The following SLC14A2 variants were observed in gnomAD, a reference collection of about 807,000 sequenced individuals.
The protein encoded by SLC14A2 is solute carrier family 14 member 2, also known as urea transporter 2.
In SLC14A2, 91 loss-of-function variants were observed where a neutral mutation model predicts 104.6. That is an observed-to-expected ratio of 0.87 (90% confidence interval 0.73 to 1.04). SLC14A2 has a LOEUF of 1.04. SLC14A2 is among the 50% of genes least tolerant of loss of function. SLC14A2 has a pLI of 0.00. For missense variants in SLC14A2, 1,189 were observed against 1,156.0 expected (o/e 1.03, Z -0.41); for synonymous variants, 476 against 466.4 (o/e 1.02, Z -0.27).
chr18:45,575,875 G>A (rs1218523223), intron 2 of SLC14A2, among the ~76,000 whole-genome samples: 1 of 149,122 alleles, frequency 6.7e-6, no homozygotes, highest in African/African-American at 2.5e-5. Context: ...AAATATTTCT[G>A]AGTAGTTCTC....
intron 2 of SLC14A2, chr18:45,550,093 G>C (rs1054979245): frequency 2.0e-5 from 3 of 152,036 alleles, no homozygotes; most frequent in African/African-American, 7.3e-5. Context: ...TAAATCAAAG[G>C]AAGTCCTTCT....
intron 1 of SLC14A2, among the ~76,000 whole-genome samples, chr18:45,455,149 A>C (rs1008002588): frequency 6.6e-6 from 1 of 152,204 alleles, no homozygotes; most frequent in East Asian, 1.9e-4. Flanking sequence ...AACTGGGTAT[A>C]TACCCAAAGG....
At chr18:45,223,130 G>A (rs1283793413) in intron 1 of SLC14A2, among the ~76,000 whole-genome samples, 1 of 152,154 alleles carries the variant, frequency 6.6e-6, no homozygotes, top group African/African-American at 2.4e-5. Context: ...CTATAAGATG[G>A]AATCTGTATT....
intron 1 of SLC14A2, among the ~76,000 whole-genome samples, chr18:45,370,907 A>C (rs2085716038): frequency 6.6e-6 from 1 of 152,172 alleles, no homozygotes; most frequent in Non-Finnish European, 1.5e-5. Flanking sequence ...GTCTCTTTGC[A>C]TTGTCAGCCC....
At chr18:45,415,061 G>A (rs1375272367) in intron 1 of SLC14A2, among the ~76,000 whole-genome samples, 1 of 151,942 alleles carries the variant, frequency 6.6e-6, no homozygotes, top group Non-Finnish European at 1.5e-5. Flanking sequence ...TAGACATGCT[G>A]GAAAATTTAA....
At chr18:45,530,084 A>G (rs976905740) in intron 2 of SLC14A2, among the ~76,000 whole-genome samples, 1 of 152,152 alleles carries the variant, frequency 6.6e-6, no homozygotes, top group East Asian at 1.9e-4. Context: ...TATACAAGTG[A>G]ATTTCCTAGA....
intron 1 of SLC14A2, among the ~76,000 whole-genome samples, chr18:45,373,817 A>C (rs973283337): frequency 3.9e-5 from 6 of 152,176 alleles, no homozygotes; most frequent in Non-Finnish European, 7.3e-5. Flanking sequence ...GGTTCTCCTA[A>C]TAGGTAGGTG....
chr18:45,333,773 A>C (rs1052619505), intron 1 of SLC14A2, among the ~76,000 whole-genome samples: 19 of 152,216 alleles, frequency 1.2e-4, no homozygotes, highest in Non-Finnish European at 2.4e-4. Context: ...TATTTTGGGC[A>C]AGAGGATCTT....
At chr18:45,675,968 G>C (rs1325822095) in intron 18 of SLC14A2, among the ~76,000 whole-genome samples, 2 of 151,762 alleles carry the variant, frequency 1.3e-5, no homozygotes, top group East Asian at 3.9e-4. Flanking sequence ...AGCCCCACTG[G>C]AATTAAATGT....
In SLC14A2 at chr18:45,536,902, G is replaced by A. The variant is rs116859790; in HGVS notation, c.-35+53580G>A. On this transcript the variant is annotated intron_variant, in intron 2 of 20. Coordinates refer to the SLC14A2 transcript ENST00000586448. The stretch of plus-strand genomic sequence containing the variant: ...CTGTCCTGAATGCTGGGTGTCCTGG[G>A]TGGGCATCCTTGCAGGCCTTCAAGG... Among the ~76,000 whole-genome samples, 777 of 152,236 alleles carry A rather than the reference G, an allele frequency of 5.1e-3. 4 individuals are homozygous for A. Among genetic ancestry groups the A allele is most frequent in the Non-Finnish European group, 7.5e-3 (509 of 68,004 alleles).
intron 1 of SLC14A2, among the ~76,000 whole-genome samples, chr18:45,269,450 C>T (rs1032238608): frequency 2.6e-5 from 4 of 151,962 alleles, no homozygotes; most frequent in African/African-American, 7.3e-5. Context: ...CAGCCCCCAG[C>T]GTCACTGTCT....
chr18:45,285,022 G>C (rs1253973662), intron 1 of SLC14A2, among the ~76,000 whole-genome samples: 3 of 142,794 alleles, frequency 2.1e-5, no homozygotes, highest in Non-Finnish European at 4.4e-5. Context: ...GGGCATCCCA[G>C]GTTTGCACAA....
chr18:45,602,533 G>T (rs2044806618), intron 2 of SLC14A2, among the ~76,000 whole-genome samples: 1 of 152,178 alleles, frequency 6.6e-6, no homozygotes, highest in Non-Finnish European at 1.5e-5. Flanking sequence ...AGGGGTCTTT[G>T]GTGTGATGTG....
intron 2 of SLC14A2, among the ~76,000 whole-genome samples, chr18:45,495,995 G>A (rs944118270): frequency 2.0e-5 from 3 of 152,214 alleles, no homozygotes; most frequent in East Asian, 1.9e-4. Context: ...ATGAAGCTCC[G>A]TGTGGCAACA....
At chr18:45,368,911 G>T (rs564137688) in intron 1 of SLC14A2, among the ~76,000 whole-genome samples, 1 of 152,098 alleles carries the variant, frequency 6.6e-6, no homozygotes, top group Non-Finnish European at 1.5e-5. Flanking sequence ...CCATTCAGCC[G>T]TAGAAGCACA....
chr18:45,224,331 G>A (rs1272920069), intron 1 of SLC14A2, among the ~76,000 whole-genome samples: 1 of 152,224 alleles, frequency 6.6e-6, no homozygotes, highest in African/African-American at 2.4e-5. Flanking sequence ...TGGACAGAAT[G>A]GGATGAAGCC....
intron 1 of SLC14A2, among the ~76,000 whole-genome samples, chr18:45,275,991 T>C (rs1006606366): frequency 1.3e-5 from 2 of 152,224 alleles, no homozygotes; most frequent in Admixed American, 6.5e-5. Flanking sequence ...AAGATGGCAT[T>C]TGAGCAGAGA....
chr18:45,675,367 TA>T (rs1184915518), intron 18 of SLC14A2, among the ~76,000 whole-genome samples: 1 of 151,784 alleles, frequency 6.6e-6, no homozygotes, highest in Non-Finnish European at 1.5e-5. Context: ...CTAAGGGAGG[TA>T]AAAGGACTTG....
chr18:45,395,583 AT>A (rs1346707548), intron 1 of SLC14A2, among the ~76,000 whole-genome samples: 2 of 152,206 alleles, frequency 1.3e-5, no homozygotes, highest in Non-Finnish European at 2.9e-5. Flanking sequence ...AAAAGAAAGC[AT>A]TTATCTAATC....
Sources: gnomAD v4.1 joint callset for allele counts (sites outside exome capture counted in the v4.1 genomes callset) on GRCh38, gnomAD v4.1.1 for gene constraint, MANE v1.5 for transcripts, NCBI Gene and HGNC (gene_info 2026-07-23, HGNC 2026-07-21) for gene names.